LRRK1: variants seen among roughly 807,000 people sequenced by gnomAD.
The protein encoded by LRRK1 is leucine rich repeat kinase 1, also known as leucine-rich repeat serine/threonine-protein kinase 1.
LRRK1 carries 113 observed loss-of-function variants against 209.1 expected under a neutral mutation model. The observed-to-expected ratio is 0.54, with a 90% CI of 0.46 to 0.63. The LOEUF is 0.63. Ranked by LOEUF, LRRK1 falls within the 30% of genes least tolerant of loss-of-function variation. LRRK1 has a pLI of 0.00. For missense variants in LRRK1, 2,284 were observed against 2,632.2 expected (o/e 0.87, Z 2.89); for synonymous variants, 1,144 against 1,099.7 (o/e 1.04, Z -0.80).
Position 101,010,523 on chromosome 15 carries a change from C to T in LRRK1, c.1063C>T (p.Gln355Ter). ...TGGATTCTTGCACCTCTCAAAACTT[C>T]AAAAACTGACAGCTTCAAAAAATTG... ...PPGFLHLSKLQKLTASKNCLE... is the reference protein window; with the variant it reads ...PPGFLHLSKL The change falls in exon 8 of 34, where the codon CAA becomes TAA. Residue 355 changes from glutamine to a stop codon, truncating the protein, a stop_gained. Coordinates refer to ENST00000388948, the MANE Select transcript of LRRK1 (RefSeq NM_024652.6). LOFTEE classifies it high-confidence loss of function. The T allele has an allele frequency of 1.2e-6, 2 of 1,612,318 alleles. No homozygotes were observed. The highest frequency in any genetic ancestry group is 1.7e-6 in the Non-Finnish European group (2 of 1,179,628).
At chr15:100,969,929 A>T (rs973933411) in intron 2 of LRRK1, among the ~76,000 whole-genome samples, 1 of 150,342 alleles carries the variant, frequency 6.7e-6, no homozygotes, top group South Asian at 2.1e-4. Flanking sequence ...GCTCTTGTTG[A>T]CTAGGCTGAA....
At chr15:101,041,210 C>T (rs1007997961) in intron 20 of LRRK1, among the ~76,000 whole-genome samples, 8 of 152,306 alleles carry the variant, frequency 5.3e-5, no homozygotes, top group African/African-American at 1.9e-4. Context: ...AATAGCCACA[C>T]CAGCTCTTTT....
Position 101,056,852 on chromosome 15 carries a change from C to A in LRRK1, c.4333-4C>A. The A allele has an allele frequency of 1.3e-6, 2 of 1,592,166 alleles. No individual in the cohort carries two copies. The highest frequency in any genetic ancestry group is 8.6e-7 in the Non-Finnish European group (1 of 1,168,128). Reference sequence around the variant, plus strand: ...CGACCTGACTTGGCTTGTTCTGTGCCCAGGTAGATATGTTCTCCTATGGAA... The same window carrying A: ...CGACCTGACTTGGCTTGTTCTGTGCACAGGTAGATATGTTCTCCTATGGAA... On this transcript the variant is annotated splice_polypyrimidine_tract_variant and splice_region_variant and intron_variant, in intron 27 of 33. Transcript: ENST00000388948.
At chr15:101,029,632 C>T (rs2034195513) in intron 20 of LRRK1, among the ~76,000 whole-genome samples, 1 of 152,170 alleles carries the variant, frequency 6.6e-6, no homozygotes, top group Non-Finnish European at 1.5e-5. Context: ...CTTTGGGAGG[C>T]CGAGGTGGCC....
At chr15:101,025,934 C>G in intron 16 of LRRK1, 31 bp from the exon 17 acceptor site, 1 of 1,611,824 alleles carries the variant, frequency 6.2e-7, no homozygotes. Flanking sequence ...TGAACAGAGA[C>G]AGTACTCAGC....
In LRRK1 at chr15:101,008,906, T is replaced by A; in HGVS notation, c.832T>A (p.Cys278Ser). ...CCTAGACTGGCTCATAGACATCTCC[T>A]GCCAGATCACGGAGCTCGACCTTTC... Reference protein sequence around the residue: ...VDLDWLIDISCQITELDLSAN... With the variant: ...VDLDWLIDISSQITELDLSAN... Residue 278 changes from cysteine to serine, a missense_variant, in exon 7 of 34, where the codon TGC becomes AGC. Transcript: ENST00000388948. 1 of 1,614,216 alleles carries A rather than the reference T, an allele frequency of 6.2e-7. No homozygotes were observed. Among genetic ancestry groups the A allele is most frequent in the African/African-American group, 1.3e-5 (1 of 75,062 alleles).
At chr15:101,060,192 T>G (rs955848149) in intron 29 of LRRK1, among the ~76,000 whole-genome samples, 6 of 152,006 alleles carry the variant, frequency 3.9e-5, no homozygotes, top group African/African-American at 1.4e-4. Flanking sequence ...GGACTTGACT[T>G]GAGATCTGTC....
At position 100,988,776 on chromosome 15, in the gene LRRK1, C is replaced by G. The variant is rs1359207471; in HGVS notation, c.576C>G (p.Val192=). Residue 192 remains valine, a synonymous_variant, in exon 5 of 34, where the codon GTC becomes GTG. Transcript: ENST00000388948. ...CTGTCAGGAAGAATGAGTTCCCTGT[C>G]ATCGTGCGCTTGCCCCTGTATGCGG... ...SYAVRKNEFP[V]IVRLPLYAAI... is the part of the protein sequence containing the mutation. 6.2e-7 allele frequency: 1 copy of G among 1,611,376 alleles called. No individual in the cohort carries two copies. Among genetic ancestry groups the G allele is most frequent in the South Asian group, 1.1e-5 (1 of 90,964 alleles).
In LRRK1 at chr15:101,074,819, A is replaced by G. The variant is rs1342792677; in HGVS notation, c.*5971A>G. The G allele has an allele frequency of 2.6e-5, 4 of 152,148 alleles. No homozygotes were observed. Among genetic ancestry groups the G allele is most frequent in the East Asian group, 1.9e-4 (1 of 5,154 alleles). The allele number at this position is 152,148 out of a possible 1,614,324, so 9.4% of individuals were successfully genotyped here. On this transcript the variant is annotated 3_prime_UTR_variant, in exon 34 of 34. Coordinates refer to ENST00000388948, the MANE Select transcript of LRRK1 (RefSeq NM_024652.6). ...CCCCCAGGAGCTTGCTACAAGTGCCAGAAATCTGGCCACCAGGCCAAGGAA... is the reference window on the plus strand; with the variant it reads ...CCCCCAGGAGCTTGCTACAAGTGCCGGAAATCTGGCCACCAGGCCAAGGAA...
At chr15:100,969,799 A>G (rs2030736697) in intron 2 of LRRK1, among the ~76,000 whole-genome samples, 1 of 151,996 alleles carries the variant, frequency 6.6e-6, no homozygotes, top group Non-Finnish European at 1.5e-5. Context: ...TTCCAACTCC[A>G]TCCATGTCCC....
intron 13 of LRRK1, 175 bp from the exon 14 acceptor site, chr15:101,021,670 C>G (rs1013393516): frequency 1.7e-4 from 96 of 573,082 alleles, no homozygotes; most frequent in Non-Finnish European, 2.2e-4. Context: ...CCGTTTCTAT[C>G]ACTGATCCTC....
intron 6 of LRRK1, among the ~76,000 whole-genome samples, chr15:100,998,547 C>G (rs2032534068): frequency 1.4e-5 from 2 of 146,250 alleles, no homozygotes; most frequent in Admixed American, 1.5e-4. Flanking sequence ...AAGCAGAAAC[C>G]TTGGCCAATT....
chr15:100,973,698 G>T, intron 2 of LRRK1, 106 bp from the exon 3 acceptor site: 1 of 1,124,424 alleles, frequency 8.9e-7, no homozygotes, highest in East Asian at 3.2e-5. Flanking sequence ...AAGCCCCCGC[G>T]ATCGTGCAAC....
Position 101,057,983 on chromosome 15 carries a change from C to T in LRRK1, c.4528-7C>T, listed in dbSNP as rs2035911671. 1.2e-6 allele frequency: 2 copies of T among 1,613,790 alleles called. No individual in the cohort carries two copies. The highest frequency in any genetic ancestry group is 1.7e-6 in the Non-Finnish European group (2 of 1,179,914). On this transcript the variant is annotated splice_region_variant and splice_polypyrimidine_tract_variant and intron_variant, in intron 28 of 33. Coordinates refer to ENST00000388948, the MANE Select transcript of LRRK1 (RefSeq NM_024652.6). ...CTTGCTCTCTTCTGGTGGCTTCTCT[C>T]CCTCAGCGACCGCTGGCCCTGTCGG...
intron 2 of LRRK1, among the ~76,000 whole-genome samples, chr15:100,964,440 G>T (rs1468019641): frequency 6.6e-6 from 1 of 152,228 alleles, no homozygotes; most frequent in Admixed American, 6.5e-5. Flanking sequence ...CCCCCAAAGT[G>T]CCAGGAGGGT....
Position 101,046,040 on chromosome 15 carries a change from A to G in LRRK1, c.3023A>G (p.His1008Arg). 6.2e-7 allele frequency: 1 copy of G among 1,614,078 alleles called. No individual in the cohort carries two copies. The highest frequency in any genetic ancestry group is 8.5e-7 in the Non-Finnish European group (1 of 1,180,002). Residue 1008 changes from histidine (H) to arginine (R), a missense_variant, in exon 21 of 34, where the codon CAC becomes CGC. Transcript: ENST00000388948. ...GGCCTGGACACCCACGGTATGCGGCACCCCACAGCCAACACCATTCAGAGG... is the reference window on the plus strand; with the variant it reads ...GGCCTGGACACCCACGGTATGCGGCGCCCCACAGCCAACACCATTCAGAGG... ...KPGLDTHGMR[H>R]PTANTIQRVF... is the part of the protein sequence containing the mutation.
chr15:101,012,197 C>T (rs1211194253), intron 10 of LRRK1, 52 bp downstream of exon 10: 1 of 1,473,030 alleles, frequency 6.8e-7, no homozygotes, highest in East Asian at 2.3e-5. Flanking sequence ...GAGAAAATTG[C>T]TCCGTGTTGC....
At chr15:100,937,719 T>C (rs546090796) in intron 2 of LRRK1, among the ~76,000 whole-genome samples, 35 of 151,882 alleles carry the variant, frequency 2.3e-4, no homozygotes, top group Admixed American at 1.6e-3. Context: ...GTATTTTTAG[T>C]AGAGACGGGG....
Position 101,029,173 on chromosome 15 carries a change from A to G in LRRK1, c.2904A>G (p.Glu968=), listed in dbSNP as rs1050733881. The change falls in exon 20 of 34, where the codon GAA becomes GAG. Residue 968 remains glutamate (E), a synonymous_variant. Coordinates refer to ENST00000388948, the MANE Select transcript of LRRK1 (RefSeq NM_024652.6). The part of the protein sequence containing the change: ...LVGTGFTQQT[E]EQYFQFLAKF... The stretch of plus-strand genomic sequence containing the variant: ...GGACTGGCTTCACGCAGCAGACGGA[A>G]GAGCAGTACTTCCAGTTCCTGGCCA... 1 of 1,614,100 alleles carries G rather than the reference A, an allele frequency of 6.2e-7. No individual in the cohort carries two copies. The highest frequency in any genetic ancestry group is 8.5e-7 in the Non-Finnish European group (1 of 1,179,954).
Sources: gnomAD v4.1 joint callset for allele counts (sites outside exome capture counted in the v4.1 genomes callset) on GRCh38, gnomAD v4.1.1 for gene constraint, MANE v1.5 for transcripts, NCBI Gene and HGNC (gene_info 2026-07-23, HGNC 2026-07-21) for gene names.